The following HDAC4 variants were observed in gnomAD, a reference collection of about 807,000 sequenced individuals.
HDAC4 encodes histone deacetylase A.
Under a neutral mutation model 135.1 loss-of-function variants are expected in HDAC4, and 16 were observed. That is an observed-to-expected ratio of 0.12 (90% CI 0.08 to 0.18). The LOEUF is 0.18. Ranked by LOEUF, HDAC4 falls within the 10% of genes least tolerant of loss-of-function variation. HDAC4 has a pLI of 1.00. For synonymous variants in HDAC4, 685 were observed against 653.4 expected (o/e 1.05, Z -0.74); for missense variants, 1,143 against 1,511.8 (o/e 0.76, Z 4.05).
chr2:239,092,412 C>G (rs2036604260), intron 17 of HDAC4, among the ~76,000 whole-genome samples: 1 of 152,180 alleles, frequency 6.6e-6, no homozygotes, highest in South Asian at 2.1e-4. Flanking sequence ...TTCTCTCCAA[C>G]ATACAATGAA....
rs557390983 is a variant in HDAC4 at position 239,087,758 on chromosome 2, G to T, written c.2389-144C>A. ...GCTGCACCCTGGCCACAGTGATGGG[G>T]ACAGGATGCAGGGCCAGCTGGGAGC... On this transcript the variant is annotated intron_variant, in intron 18 of 26. Transcript: ENST00000543185. The T allele has an allele frequency of 6.1e-4, 477 of 787,058 alleles. 6 individuals are homozygous for T. In the African/African-American group the frequency reaches 7.1e-3, roughly 12 times the overall value. The allele number at this position is 787,058 out of a possible 1,614,324, so 48.8% of individuals were successfully genotyped here. A position where few individuals can be genotyped will look rare whatever the true frequency, so the allele number is the denominator to read the frequency against.
chr2:239,207,202 A>G (rs762556782), intron 3 of HDAC4, among the ~76,000 whole-genome samples: 2 of 152,190 alleles, frequency 1.3e-5, no homozygotes, highest in Non-Finnish European at 2.9e-5. Context: ...AAAGAATAAG[A>G]ATGAAAAAAA....
chr2:239,080,059 G>C (rs1559384305), intron 22 of HDAC4, among the ~76,000 whole-genome samples: 1 of 149,936 alleles, frequency 6.7e-6, no homozygotes, highest in Non-Finnish European at 1.5e-5. Flanking sequence ...CACCCACACA[G>C]ACACACACAC....
rs991132292 is a variant in HDAC4, at chr2:239,300,457, G to A, written c.22+52221C>T. ...AGGCATGACCAGTGGCTGCCCCGATGGGCATTGCTGCTATGGACCATTTCC... is the reference window on the plus strand; with the variant it reads ...AGGCATGACCAGTGGCTGCCCCGATAGGCATTGCTGCTATGGACCATTTCC... On this transcript the variant is annotated intron_variant, in intron 2 of 26. Transcript: ENST00000543185. Among the ~76,000 whole-genome samples the A allele has an allele frequency of 3.3e-5, 5 of 152,204 alleles. No homozygotes were observed. The South Asian group carries it at 1.0e-3, about 32-fold the overall frequency.
rs1222429690 is a variant in HDAC4 at position 239,163,874 on chromosome 2, G to A, written c.540C>T (p.Leu180=). The A allele has an allele frequency of 6.2e-7, 1 of 1,614,112 alleles. No homozygotes were observed. Among genetic ancestry groups the A allele is most frequent in the Admixed American group, 1.7e-5 (1 of 60,024 alleles). ...EVKMKLQEFV[L]NKKKALAHRN... is the part of the protein sequence containing the mutation. ...GGTGGGCCAGCGCCTTCTTTTTATT[G>A]AGGACAAATTCTTGTAACTTCATCT... The change falls in exon 6 of 27, where the codon CTC becomes CTT. Residue 180 remains leucine (L), a synonymous_variant. Transcript: ENST00000543185.
chr2:239,098,864 T>C (rs2037357856), intron 16 of HDAC4, among the ~76,000 whole-genome samples: 1 of 152,172 alleles, frequency 6.6e-6, no homozygotes, highest in Non-Finnish European at 1.5e-5. Flanking sequence ...AAATCGATCT[T>C]GAGTTGTGAG....
At chr2:239,334,525 C>CAAAAA (rs1397757385) in intron 2 of HDAC4, among the ~76,000 whole-genome samples, 1 of 149,006 alleles carries the variant, frequency 6.7e-6, no homozygotes, top group Non-Finnish European at 1.5e-5. Context: ...CATCTCAAAA[C>CAAAAA]AAACAAATAA....
intron 18 of HDAC4, among the ~76,000 whole-genome samples, chr2:239,088,343 C>T (rs1023701099): frequency 6.6e-6 from 1 of 152,220 alleles, no homozygotes; most frequent in African/African-American, 2.4e-5. Context: ...GTGACAATGC[C>T]ATGGACGGGG....
chr2:239,232,566 G>C (rs2047640252), intron 3 of HDAC4, among the ~76,000 whole-genome samples: 1 of 148,808 alleles, frequency 6.7e-6, no homozygotes, highest in South Asian at 2.2e-4. Context: ...CCAAGCCAAG[G>C]GTGGCCCTTC....
chr2:239,190,363 C>T (rs558143188), intron 3 of HDAC4, among the ~76,000 whole-genome samples: 12 of 152,320 alleles, frequency 7.9e-5, no homozygotes, highest in African/African-American at 1.9e-4. Context: ...CCACCCTCCC[C>T]GGGAGGCCGG....
At chr2:239,365,864 T>C (rs1003871540) in intron 1 of HDAC4, among the ~76,000 whole-genome samples, 1 of 148,314 alleles carries the variant, frequency 6.7e-6, no homozygotes, top group African/African-American at 2.5e-5. Context: ...GTCATCAGGG[T>C]CACACGCGTG....
chr2:239,110,434 T>C (rs1455479485), intron 14 of HDAC4, among the ~76,000 whole-genome samples: 2 of 152,208 alleles, frequency 1.3e-5, no homozygotes, highest in Non-Finnish European at 2.9e-5. Context: ...TTGTCTGAGC[T>C]GCATTCTTTC....
At chr2:239,075,428 C>A (rs755908516) in intron 22 of HDAC4, among the ~76,000 whole-genome samples, 2 of 151,944 alleles carry the variant, frequency 1.3e-5, no homozygotes, top group African/African-American at 4.8e-5. Flanking sequence ...GTCCACTGAT[C>A]GTCAGCTCAA....
intron 8 of HDAC4, among the ~76,000 whole-genome samples, chr2:239,143,978 T>G (rs1263379070): frequency 1.3e-5 from 2 of 152,134 alleles, no homozygotes; most frequent in Non-Finnish European, 2.9e-5. Flanking sequence ...TGGGTGGTCC[T>G]CTGGATGGGG....
At chr2:239,189,434 A>G (rs1055286218) in intron 4 of HDAC4, among the ~76,000 whole-genome samples, 2 of 152,222 alleles carry the variant, frequency 1.3e-5, no homozygotes, top group African/African-American at 2.4e-5. Context: ...GAGAAAATAG[A>G]AAATATAGAA....
At chr2:239,304,389 G>C (rs532756459) in intron 2 of HDAC4, among the ~76,000 whole-genome samples, 92 of 152,318 alleles carry the variant, frequency 6.0e-4, no homozygotes, top group African/African-American at 2.1e-3. Context: ...ATGATACCAG[G>C]TGGTGGCATG....
chr2:239,302,180 A>G (rs555584219), intron 2 of HDAC4, among the ~76,000 whole-genome samples: 1 of 152,306 alleles, frequency 6.6e-6, no homozygotes, highest in African/African-American at 2.4e-5. Context: ...CTTTACTGTG[A>G]AATGCTTAGA....
intron 8 of HDAC4, 143 bp downstream of exon 8, chr2:239,144,440 C>G (rs541974208): frequency 3.7e-6 from 4 of 1,090,416 alleles, no homozygotes; most frequent in African/African-American, 1.5e-5. Context: ...GCACTTCCAG[C>G]GCCATGGGAA....
At chr2:239,169,593 C>A (rs1371900094) in intron 5 of HDAC4, among the ~76,000 whole-genome samples, 1 of 152,254 alleles carries the variant, frequency 6.6e-6, no homozygotes, top group African/African-American at 2.4e-5. Context: ...CCAGGCAACG[C>A]ACTAGGCAGC....
Sources: allele counts gnomAD v4.1 joint callset (sites outside exome capture counted in the v4.1 genomes callset), GRCh38; gene constraint gnomAD v4.1.1; transcripts MANE v1.5; gene names NCBI Gene and HGNC (gene_info 2026-07-23, HGNC 2026-07-21).